The following UNC13C variants were observed in gnomAD, a reference collection of about 807,000 sequenced individuals.
UNC13C encodes the protein unc-13 homolog C.
Under a neutral mutation model 245.4 loss-of-function variants are expected in UNC13C, and 174 were observed. The observed-to-expected ratio is 0.71, with a 90% confidence interval of 0.63 to 0.80. The LOEUF (loss-of-function observed/expected upper bound fraction) is 0.80, where lower values mean the gene tolerates loss of function less well. UNC13C is among the 30% of genes least tolerant of loss of function. The probability of loss-of-function intolerance (pLI) is 0.00; values close to 1 mark genes in which losing one functional copy is unlikely to be tolerated. For synonymous variants in UNC13C, 992 were observed against 895.1 expected, an observed-to-expected ratio of 1.11 and a Z score of -1.93; for missense variants, 2,829 against 2,602.9, an observed-to-expected ratio of 1.09 and a Z score of -1.89.
chr15:54,179,001 T>C (rs2033708774), intron 4 of UNC13C, among the ~76,000 whole-genome samples: 1 of 152,134 alleles, frequency 6.6e-6, no homozygotes, highest in Non-Finnish European at 1.5e-5. Context: ...TTCATAGTTA[T>C]TTAGAGATCA....
chr15:53,943,392 T>C, the UNC13C span, among the ~76,000 whole-genome samples: 1 of 152,232 alleles, frequency 6.6e-6, no homozygotes, highest in Non-Finnish European at 1.5e-5. Context: ...TCATTATTCT[T>C]GGTTCTTTGT....
intron 2 of UNC13C, among the ~76,000 whole-genome samples, chr15:54,139,926 C>T (rs2031932657): frequency 6.6e-6 from 1 of 152,110 alleles, no homozygotes; most frequent in Admixed American, 6.5e-5. Context: ...ATTGTCCAAG[C>T]ACCATTTACT....
the UNC13C span, among the ~76,000 whole-genome samples, chr15:53,860,241 A>G: frequency 1.4e-5 from 2 of 143,892 alleles, no homozygotes; most frequent in Non-Finnish European, 3.1e-5. Flanking sequence ...GATGATAATC[A>G]TGATATCATG....
intron 27 of UNC13C, among the ~76,000 whole-genome samples, chr15:54,547,208 T>G (rs1016577491): frequency 2.0e-5 from 3 of 152,038 alleles, no homozygotes; most frequent in Non-Finnish European, 4.4e-5. Flanking sequence ...TTTTACAGTT[T>G]AAGGAGATAG....
intron 4 of UNC13C, among the ~76,000 whole-genome samples, chr15:54,201,097 C>T (rs1595993870): frequency 6.6e-6 from 1 of 151,852 alleles, no homozygotes; most frequent in East Asian, 1.9e-4. Context: ...ATATACAACC[C>T]TCCTAGATTG....
chr15:53,989,446 A>G (rs1894286828), intron 1 of UNC13C, among the ~76,000 whole-genome samples: 1 of 152,034 alleles, frequency 6.6e-6, no homozygotes, highest in Admixed American at 6.6e-5. Context: ...CAGTTCCTGA[A>G]GACACCACAG....
intron 2 of UNC13C, among the ~76,000 whole-genome samples, chr15:54,027,524 C>T (rs1896164930): frequency 6.6e-6 from 1 of 152,154 alleles, no homozygotes; most frequent in African/African-American, 2.4e-5. Flanking sequence ...CATGTGCCAC[C>T]ACGCCTGGCT....
At chr15:54,177,742 A>G (rs1010511305) in intron 4 of UNC13C, among the ~76,000 whole-genome samples, 2 of 152,268 alleles carry the variant, frequency 1.3e-5, no homozygotes, top group East Asian at 1.9e-4. Flanking sequence ...GTTATATAAT[A>G]TATAGCTACT....
chr15:53,871,729 T>C, the UNC13C span, among the ~76,000 whole-genome samples: 3 of 152,296 alleles, frequency 2.0e-5, no homozygotes, highest in East Asian at 1.9e-4. Flanking sequence ...ATCCCAGAAA[T>C]TGGACACATT....
Position 54,012,897 on chromosome 15 carries a change from G to C in UNC13C, c.-7G>C, listed in dbSNP as rs764401204. 26 of 1,574,168 alleles carry C rather than the reference G, an allele frequency of 1.7e-5. No homozygotes were observed. Among genetic ancestry groups the C allele is most frequent in the Non-Finnish European group, 2.1e-5 (25 of 1,163,614 alleles). ...TGGGGCAGAAAAGCTTGCACTAATT[G>C]CTCTCCATGGTGGCTAATTTTTTCA... On this transcript the variant is annotated 5_prime_UTR_variant, in exon 2 of 33. Coordinates refer to ENST00000260323, the MANE Select transcript of UNC13C (RefSeq NM_001080534.3).
chr15:53,870,688 C>T, the UNC13C span, among the ~76,000 whole-genome samples: 1 of 152,170 alleles, frequency 6.6e-6, no homozygotes, highest in African/African-American at 2.4e-5. Flanking sequence ...TTCAGCACTT[C>T]ATGTACTTTA....
At chr15:54,226,859 C>T (rs2035399312) in intron 4 of UNC13C, among the ~76,000 whole-genome samples, 1 of 152,146 alleles carries the variant, frequency 6.6e-6, no homozygotes, top group Non-Finnish European at 1.5e-5. Flanking sequence ...ACATCAGAAA[C>T]TGCAGAACTC....
At chr15:54,459,455 G>A (rs189826223) in intron 19 of UNC13C, among the ~76,000 whole-genome samples, 64 of 152,250 alleles carry the variant, frequency 4.2e-4, no homozygotes, top group Non-Finnish European at 7.2e-4. Context: ...AGCAGGATCA[G>A]GGGAGTAATC....
intron 17 of UNC13C, among the ~76,000 whole-genome samples, chr15:54,369,669 A>G (rs935836199): frequency 6.6e-6 from 1 of 152,138 alleles, no homozygotes; most frequent in African/African-American, 2.4e-5. Context: ...TGTCTTTTCT[A>G]TATTTTGGTC....
intron 11 of UNC13C, among the ~76,000 whole-genome samples, chr15:54,296,464 C>T (rs536093570): frequency 1.3e-5 from 2 of 151,176 alleles, no homozygotes; most frequent in Non-Finnish European, 2.9e-5. Flanking sequence ...GTGATCCTCC[C>T]GCCTCGGCCT....
intron 30 of UNC13C, among the ~76,000 whole-genome samples, chr15:54,586,119 T>C (rs1364473119): frequency 6.6e-6 from 1 of 152,214 alleles, no homozygotes; most frequent in Non-Finnish European, 1.5e-5. Context: ...CCTTGGGTCT[T>C]AAAACTAGCA....
At chr15:53,975,485 A>G (rs1893667768), upstream of UNC13C, among the ~76,000 whole-genome samples, 1 of 152,220 alleles carries the variant, frequency 6.6e-6, no homozygotes, top group African/African-American at 2.4e-5. Flanking sequence ...TTGGTTACCA[A>G]TTCCCTAAAA....
the UNC13C span, among the ~76,000 whole-genome samples, chr15:53,949,344 T>G: frequency 2.0e-5 from 3 of 152,176 alleles, no homozygotes; most frequent in African/African-American, 4.8e-5. Flanking sequence ...TTAAAAAAAT[T>G]TAGCACCTGG....
chr15:54,295,495 A>G (rs2037404246), intron 11 of UNC13C, among the ~76,000 whole-genome samples: 1 of 152,016 alleles, frequency 6.6e-6, no homozygotes. Context: ...CAAAAATTTA[A>G]AAAATATTAG....
Sources: gnomAD v4.1 joint callset for allele counts (sites outside exome capture counted in the v4.1 genomes callset) on GRCh38, gnomAD v4.1.1 for gene constraint, MANE v1.5 for transcripts, NCBI Gene and HGNC (gene_info 2026-07-23, HGNC 2026-07-21) for gene names.